The following ERI3 variants were observed in gnomAD, a reference collection of about 807,000 sequenced individuals.
ERI3 encodes the protein ERI1 exoribonuclease 3.
Under a neutral mutation model 44.4 loss-of-function variants are expected in ERI3, and 18 were observed. That is an observed-to-expected ratio of 0.41 (90% CI 0.28 to 0.60). The LOEUF is 0.60. Ranked by LOEUF, ERI3 falls within the 20% of genes least tolerant of loss-of-function variation. The pLI is 0.36. For synonymous variants in ERI3, 183 were observed against 164.8 expected, an observed-to-expected ratio of 1.11 and a Z score of -0.84; for missense variants, 294 against 435.5, an observed-to-expected ratio of 0.68 and a Z score of 2.89.
chr1:44,223,479 A>C (rs528209097), intron 8 of ERI3, among the ~76,000 whole-genome samples: 9 of 152,226 alleles, frequency 5.9e-5, no homozygotes, highest in South Asian at 4.1e-4. Flanking sequence ...GTCTGGCCCT[A>C]TCAGGGAACC....
intron 8 of ERI3, chr1:44,242,214 C>T (rs1026681139): frequency 3.2e-6 from 3 of 926,144 alleles, no homozygotes; most frequent in Middle Eastern, 1.1e-3. Flanking sequence ...CTGCCCTTCC[C>T]CACAAGGCAG....
chr1:44,252,390 T>G lies in ERI3; in HGVS notation c.832-4352A>C, dbSNP rs537714969. Among the ~76,000 whole-genome samples the G allele has an allele frequency of 7.7e-4, 117 of 152,352 alleles. No homozygotes were observed. Among genetic ancestry groups the G allele is most frequent in the African/African-American group, 2.5e-3 (105 of 41,582 alleles). On this transcript the variant is annotated intron_variant, in intron 7 of 8. Coordinates refer to ENST00000372257, the MANE Select transcript of ERI3 (RefSeq NM_024066.3). The surrounding 1 kb of genome is among the most constrained non-coding windows in gnomAD (Gnocchi z 4.7). The stretch of plus-strand genomic sequence containing the variant: ...CTTGGCTGCTGCCCCATTAGCTTAG[T>G]GGCCAGCCATCTGCGACGGGCCTGC...
intron 1 of ERI3, 129 bp from the exon 2 acceptor site, chr1:44,353,054 T>G: frequency 6.6e-7 from 1 of 1,514,638 alleles, no homozygotes; most frequent in South Asian, 1.3e-5. Flanking sequence ...GCAAAGACAG[T>G]GCCCCCACAG....
intron 3 of ERI3, chr1:44,323,009 A>G (rs1572277893): frequency 8.3e-7 from 1 of 1,200,662 alleles, no homozygotes; most frequent in Admixed American, 3.5e-5. Flanking sequence ...TGAAACTGTT[A>G]TTCCTGACCC....
chr1:44,325,718 G>A (rs1395396961), intron 3 of ERI3, among the ~76,000 whole-genome samples: 1 of 151,890 alleles, frequency 6.6e-6, no homozygotes, highest in Non-Finnish European at 1.5e-5. Context: ...CTGGAGTACG[G>A]TGGCATGATC....
chr1:44,305,163 C>G (rs963775160), intron 6 of ERI3, among the ~76,000 whole-genome samples: 2 of 152,214 alleles, frequency 1.3e-5, no homozygotes, highest in African/African-American at 4.8e-5. Flanking sequence ...GACTCACGGC[C>G]CACTGGGAAA....
chr1:44,247,581 C>T (rs1644581130), intron 8 of ERI3, among the ~76,000 whole-genome samples: 1 of 152,200 alleles, frequency 6.6e-6, no homozygotes. Context: ...CAATATTAAA[C>T]AGCCTCCTCC....
At chr1:44,237,098 C>T (rs775104320) in intron 8 of ERI3, among the ~76,000 whole-genome samples, 1 of 152,144 alleles carries the variant, frequency 6.6e-6, no homozygotes, top group African/African-American at 2.4e-5. Flanking sequence ...AGAAGACCTG[C>T]GTGAGCTTCT....
At chr1:44,354,837 C>A in intron 1 of ERI3, 55 bp downstream of exon 1, 2 of 1,312,654 alleles carry the variant, frequency 1.5e-6, no homozygotes, top group Non-Finnish European at 2.0e-6. Context: ...GCGACCCTCA[C>A]CCCGCATGCA....
chr1:44,263,972 C>G (rs1011218072), intron 7 of ERI3, among the ~76,000 whole-genome samples: 1 of 152,230 alleles, frequency 6.6e-6, no homozygotes, highest in Non-Finnish European at 1.5e-5. Context: ...AAAAGTCAGT[C>G]TGTCTCTGGC....
chr1:44,262,751 C>T (rs896526394), intron 7 of ERI3, among the ~76,000 whole-genome samples: 10 of 152,206 alleles, frequency 6.6e-5, no homozygotes, highest in African/African-American at 2.4e-4. Flanking sequence ...CTAAGCGGAC[C>T]TTCAGCAGAA....
At chr1:44,277,850 T>C (rs1645209417) in intron 7 of ERI3, among the ~76,000 whole-genome samples, 1 of 152,122 alleles carries the variant, frequency 6.6e-6, no homozygotes, top group African/African-American at 2.4e-5. Flanking sequence ...CCTTAAAATG[T>C]GAAAAATAAT....
chr1:44,339,005 GC>G (rs200391467), intron 3 of ERI3, 39 bp downstream of exon 3: 32 of 1,591,804 alleles, frequency 2.0e-5, no homozygotes, highest in African/African-American at 9.4e-5. Flanking sequence ...CTCCCTCCTT[GC>G]CCCCCCCACC....
intron 7 of ERI3, among the ~76,000 whole-genome samples, chr1:44,248,373 C>T (rs1286945078): frequency 6.6e-6 from 1 of 152,160 alleles, no homozygotes; most frequent in Admixed American, 6.5e-5. Context: ...CACCTTGCAC[C>T]CCTCCTTAGG....
In ERI3 at chr1:44,252,621, G is replaced by A. The variant is rs984759543; in HGVS notation, c.832-4583C>T. 6.6e-6 allele frequency among the ~76,000 whole-genome samples: 1 copy of A among 152,216 alleles called. No homozygotes were observed. The highest frequency in any genetic ancestry group is 1.5e-5 in the Non-Finnish European group (1 of 68,032). On this transcript the variant is annotated intron_variant, in intron 7 of 8. Transcript: ENST00000372257. The surrounding 1 kb of genome is among the most constrained non-coding windows in gnomAD (Gnocchi z 4.7). ...GCACTGTCAGTCCCATCACAAACACGGCGCCCGGCGGCTTATGGGGGCTTA... is the reference window on the plus strand; with the variant it reads ...GCACTGTCAGTCCCATCACAAACACAGCGCCCGGCGGCTTATGGGGGCTTA...
chr1:44,277,728 T>C (rs1645207100), intron 7 of ERI3, among the ~76,000 whole-genome samples: 1 of 152,254 alleles, frequency 6.6e-6, no homozygotes, highest in Non-Finnish European at 1.5e-5. Flanking sequence ...ACTTTTTTAC[T>C]CTCTGTCTCT....
chr1:44,347,749 C>T lies in ERI3; in HGVS notation c.211+5101G>A, dbSNP rs572999483. On this transcript the variant is annotated intron_variant, in intron 2 of 8. Coordinates refer to ENST00000372257, the MANE Select transcript of ERI3 (RefSeq NM_024066.3). ...GTTAAGGAAGAAGGATAGAAGACAG[C>T]AGTATAGGTGAATGTGTGCATGTGT... Among the ~76,000 whole-genome samples, 5 of 148,618 alleles carry T rather than the reference C, an allele frequency of 3.4e-5. No individual in the cohort carries two copies. In the East Asian group the frequency reaches 9.9e-4, roughly 29 times the overall value.
At chr1:44,245,548 C>G (rs1443563584) in intron 8 of ERI3, among the ~76,000 whole-genome samples, 1 of 152,208 alleles carries the variant, frequency 6.6e-6, no homozygotes, top group Admixed American at 6.5e-5. Context: ...TCACAGGGTT[C>G]TGGGTGGAAG....
intron 8 of ERI3, among the ~76,000 whole-genome samples, chr1:44,222,220 T>C (rs1035200698): frequency 8.5e-5 from 13 of 152,248 alleles, no homozygotes; most frequent in Non-Finnish European, 1.9e-4. Context: ...ACACCTGCCC[T>C]GTGTCCTGGG....
Sources: gnomAD v4.1 joint callset for allele counts (sites outside exome capture counted in the v4.1 genomes callset) on GRCh38, gnomAD v4.1.1 for gene constraint, Gnocchi (gnomAD v3.1) non-coding constraint, MANE v1.5 for transcripts, NCBI Gene and HGNC (gene_info 2026-07-23, HGNC 2026-07-21) for gene names.